The following OSBPL8 variants were observed in gnomAD, a reference collection of about 807,000 sequenced individuals.
OSBPL8 encodes the protein oxysterol binding protein like 8, also known as oxysterol-binding protein-related protein 8.
In OSBPL8, 59 loss-of-function variants were observed where a neutral mutation model predicts 125.5. The ratio of observed to expected loss-of-function variants is 0.47; its 90% CI spans 0.38 to 0.58. The LOEUF (loss-of-function observed/expected upper bound fraction) is 0.58. Ranked by LOEUF, OSBPL8 falls within the 20% of genes least tolerant of loss-of-function variation. The pLI is 0.00. For missense variants in OSBPL8, 758 were observed against 1,047.8 expected (o/e 0.72, Z 3.82); for synonymous variants, 330 against 338.9 (o/e 0.97, Z 0.29).
rs370001495 is a variant in OSBPL8 at position 76,419,989 on chromosome 12, C to T, written c.218-9355G>A. Among the ~76,000 whole-genome samples the T allele has an allele frequency of 4.6e-5, 7 of 152,238 alleles. No homozygotes were observed. The South Asian group carries it at 1.5e-3, about 32-fold the overall frequency. The stretch of plus-strand genomic sequence containing the variant: ...CTGCTAATGCAATGGAATATTATCG[C>T]TGAATAAATTAGCATTCTGCCCTTA... On this transcript the variant is annotated intron_variant, in intron 4 of 23. Coordinates refer to ENST00000261183, the MANE Select transcript of OSBPL8 (RefSeq NM_020841.5).
intron 12 of OSBPL8, among the ~76,000 whole-genome samples, chr12:76,389,140 A>G (rs990801842): frequency 6.6e-6 from 1 of 152,194 alleles, no homozygotes; most frequent in African/African-American, 2.4e-5. Flanking sequence ...AATTACACCC[A>G]GGATCAGCTG....
chr12:76,376,589 G>A (rs905505084), intron 16 of OSBPL8, among the ~76,000 whole-genome samples: 4 of 151,822 alleles, frequency 2.6e-5, no homozygotes, highest in African/African-American at 9.7e-5. Context: ...ATATCTACAT[G>A]GAATATAGTT....
In OSBPL8 at chr12:76,406,108, A is replaced by G. The variant is rs1954252417; in HGVS notation, c.289-3342T>C. 2.0e-5 allele frequency among the ~76,000 whole-genome samples: 3 copies of G among 152,162 alleles called. No homozygotes were observed. In the South Asian group the frequency reaches 6.2e-4, roughly 31 times the overall value. ...TGTTTAACTTAGTACTTGGTAATAT[A>G]TTGTTTCAGGTTTATGACTATATTT... On this transcript the variant is annotated intron_variant, in intron 5 of 23. Transcript: ENST00000261183.
At chr12:76,491,390 A>T (rs185493561) in intron 1 of OSBPL8, among the ~76,000 whole-genome samples, 1 of 152,310 alleles carries the variant, frequency 6.6e-6, no homozygotes, top group East Asian at 1.9e-4. Flanking sequence ...GTAGACTTCT[A>T]ATCATTTTCT....
chr12:76,366,572 T>C (rs1240893981), intron 21 of OSBPL8: 1 of 450,382 alleles, frequency 2.2e-6, no homozygotes, highest in East Asian at 7.0e-5. Context: ...TATTTTCTTC[T>C]TCTGCTAGCT....
chr12:76,500,276 C>T (rs568341916), intron 1 of OSBPL8, among the ~76,000 whole-genome samples: 4 of 152,310 alleles, frequency 2.6e-5, no homozygotes, highest in Admixed American at 2.6e-4. Flanking sequence ...GCATATACAC[C>T]AGTGCCTTCA....
In OSBPL8 at chr12:76,500,049, A is replaced by G. The variant is rs570676661; in HGVS notation, c.-67-12431T>C. Among the ~76,000 whole-genome samples, 30 of 152,248 alleles carry G rather than the reference A, an allele frequency of 2.0e-4. No homozygotes were observed. The South Asian group carries it at 6.2e-3, about 32-fold the overall frequency. On this transcript the variant is annotated intron_variant, in intron 1 of 23. Transcript: ENST00000261183. Reference sequence around the variant, plus strand: ...TTTGCCCCTGCCTTCACGCCTACATATTATATCAGTTTTATACCTAGTTTT... The same window carrying G: ...TTTGCCCCTGCCTTCACGCCTACATGTTATATCAGTTTTATACCTAGTTTT...
intron 8 of OSBPL8, among the ~76,000 whole-genome samples, chr12:76,395,114 T>C (rs1010182985): frequency 2.0e-5 from 3 of 152,140 alleles, no homozygotes; most frequent in Non-Finnish European, 4.4e-5. Flanking sequence ...AATAGAATTA[T>C]AATTTAAAAA....
intron 1 of OSBPL8, among the ~76,000 whole-genome samples, chr12:76,510,132 A>G (rs573268149): frequency 6.6e-6 from 1 of 152,336 alleles, no homozygotes; most frequent in East Asian, 1.9e-4. Flanking sequence ...CCAATAAATC[A>G]CTTAAATTCT....
chr12:76,549,813 T>A (rs746577247), intron 1 of OSBPL8, among the ~76,000 whole-genome samples: 2 of 152,188 alleles, frequency 1.3e-5, no homozygotes, highest in Non-Finnish European at 2.9e-5. Flanking sequence ...TTTGTGAGAA[T>A]AGAATGGAGA....
At chr12:76,432,245 G>A (rs1447625391) in intron 4 of OSBPL8, among the ~76,000 whole-genome samples, 8 of 152,218 alleles carry the variant, frequency 5.3e-5, no homozygotes, top group African/African-American at 1.9e-4. Context: ...AATGTAGCAA[G>A]AGCAGTACAA....
At chr12:76,411,650 G>A (rs1170465020) in intron 4 of OSBPL8, among the ~76,000 whole-genome samples, 4 of 151,442 alleles carry the variant, frequency 2.6e-5, no homozygotes, top group African/African-American at 4.9e-5. Context: ...ATAAAAAAAG[G>A]GATCTTTTTT....
chr12:76,445,038 T>G (rs1469896166), intron 4 of OSBPL8, among the ~76,000 whole-genome samples: 2 of 152,198 alleles, frequency 1.3e-5, no homozygotes, highest in African/African-American at 4.8e-5. Context: ...TCTCTGGTAA[T>G]ACACACCTAT....
chr12:76,392,522 A>G (rs1260368757), intron 10 of OSBPL8, 59 bp downstream of exon 10: 35 of 1,478,032 alleles, frequency 2.4e-5, no homozygotes, highest in Non-Finnish European at 3.2e-5. Context: ...CCTGCCAACT[A>G]ATTTTGTGAA....
chr12:76,525,913 C>T (rs1019651828), intron 1 of OSBPL8, among the ~76,000 whole-genome samples: 1 of 152,132 alleles, frequency 6.6e-6, no homozygotes, highest in African/African-American at 2.4e-5. Flanking sequence ...CTACTACGTG[C>T]CAACCATTGT....
At chr12:76,473,800 A>G (rs1309871550) in intron 2 of OSBPL8, among the ~76,000 whole-genome samples, 1 of 152,166 alleles carries the variant, frequency 6.6e-6, no homozygotes, top group Admixed American at 6.5e-5. Flanking sequence ...CAATATAGGA[A>G]AGTGATTAAA....
chr12:76,405,561 T>C (rs983281029), intron 5 of OSBPL8, among the ~76,000 whole-genome samples: 18 of 152,162 alleles, frequency 1.2e-4, no homozygotes, highest in African/African-American at 2.9e-4. Flanking sequence ...GTCAGAAGGG[T>C]GTCACATGAG....
chr12:76,389,699 CG>C lies in OSBPL8; in HGVS notation c.1297del (p.Arg433ValfsTer30), dbSNP rs1227375192. ...ATCTGAAAGTTTATCCAGGAAAGAA[CG>C]GGGTTCCAAAATAAATGTAGGCAGA... ...VVLPTFILEP[R>X]SFLDKLSDYY... On this transcript the variant is annotated frameshift_variant, in exon 12 of 24. Coordinates refer to ENST00000261183, the MANE Select transcript of OSBPL8 (RefSeq NM_020841.5). LOFTEE classifies it high-confidence loss of function. 1 of 1,604,210 alleles carries C rather than the reference CG, an allele frequency of 6.2e-7. No homozygotes were observed. The highest frequency in any genetic ancestry group is 1.1e-5 in the South Asian group (1 of 89,600).
chr12:76,440,344 T>A (rs1872037465), intron 4 of OSBPL8, among the ~76,000 whole-genome samples: 1 of 152,008 alleles, frequency 6.6e-6, no homozygotes, highest in Admixed American at 6.6e-5. Context: ...GTGGTGACGG[T>A]ATTTTAGATT....
Sources: allele counts gnomAD v4.1 joint callset (sites outside exome capture counted in the v4.1 genomes callset), GRCh38; gene constraint gnomAD v4.1.1; transcripts MANE v1.5; gene names NCBI Gene and HGNC (gene_info 2026-07-23, HGNC 2026-07-21).